Variants in SULT1C3 observed in about 807,000 individuals in gnomAD.
SULT1C3 encodes the protein sulfotransferase family 1C member 3.
In SULT1C3, 31 loss-of-function variants were observed where a neutral mutation model predicts 28.4. That is an observed-to-expected ratio of 1.09 (90% CI 0.82 to 1.47). The LOEUF (loss-of-function observed/expected upper bound fraction) is 1.47. Ranked by LOEUF, SULT1C3 falls within the 40% of genes most tolerant of loss-of-function variation. The pLI, the probability that SULT1C3 is intolerant of heterozygous loss-of-function variation, is 0.00. For missense variants in SULT1C3, 307 were observed against 272.5 expected, an observed-to-expected ratio of 1.13 and a Z score of -0.89; for synonymous variants, 106 against 92.2, an observed-to-expected ratio of 1.15 and a Z score of -0.86.
chr2:108,248,772 G>A (rs1175883427), intron 2 of SULT1C3, among the ~76,000 whole-genome samples: 1 of 152,062 alleles, frequency 6.6e-6, no homozygotes, highest in African/African-American at 2.4e-5. Context: ...TTAGTCCTCT[G>A]TTATTACATC....
chr2:108,264,688 G>A (rs1161894286), downstream of SULT1C3: 3 of 843,722 alleles, frequency 3.6e-6, no homozygotes, highest in Middle Eastern at 2.4e-4. Flanking sequence ...CTGGCACTAG[G>A]AGTCACTTGA....
rs1177150599 is a variant in SULT1C3 at position 108,259,135 on chromosome 2, T to G, written c.791T>G (p.Phe264Cys). The G allele has an allele frequency of 2.4e-6, 1 of 413,526 alleles. No individual in the cohort carries two copies. Among genetic ancestry groups the G allele is most frequent in the African/African-American group, 2.0e-5 (1 of 49,760 alleles). 25.6% of individuals were successfully genotyped at this position (413,526 alleles called of 1,614,324 possible). The change falls in exon 7 of 8, where the codon TTT becomes TGT. Residue 264 changes from phenylalanine (F) to cysteine (C), a missense_variant. Physicochemically the swap from Phe to Cys is radical, Grantham distance 205. Coordinates refer to ENST00000681802, the MANE Select transcript of SULT1C3 (RefSeq NM_001320878.2). Reference sequence around the variant, plus strand: ...ATATTCAATCACTCCATCTCAAAATTTATGAGGAAAGGTTGGTGGCATTTC... The same window carrying G: ...ATATTCAATCACTCCATCTCAAAATGTATGAGGAAAGGTTGGTGGCATTTC... ...AHIFNHSISK[F>C]MRKGMPGDWK...
intron 2 of SULT1C3, among the ~76,000 whole-genome samples, chr2:108,248,245 C>G (rs776270386): frequency 1.3e-4 from 20 of 152,108 alleles, no homozygotes; most frequent in Non-Finnish European, 2.4e-4. Flanking sequence ...TGATCACTAA[C>G]TGATTGGGAG....
intron 1 of SULT1C3, among the ~76,000 whole-genome samples, chr2:108,240,941 G>C (rs1003490106): frequency 6.6e-6 from 1 of 152,188 alleles, no homozygotes; most frequent in Non-Finnish European, 1.5e-5. Flanking sequence ...TTTTGGATTG[G>C]CTTTGAAGAA....
intron 2 of SULT1C3, 147 bp downstream of exon 2, chr2:108,247,513 C>A: frequency 1.4e-6 from 1 of 716,890 alleles, no homozygotes; most frequent in Non-Finnish European, 2.1e-6. Context: ...GGACATTTAG[C>A]ATTCCTGATC....
chr2:108,247,217 C>T lies in SULT1C3; in HGVS notation c.23C>T (p.Ala8Val), dbSNP rs779904006. 8.0e-5 allele frequency: 122 copies of T among 1,533,306 alleles called. No individual in the cohort carries two copies. Among genetic ancestry groups the T allele is most frequent in the Non-Finnish European group, 1.1e-4 (120 of 1,136,556 alleles). 95.0% of individuals were successfully genotyped at this position (1,533,306 alleles called of 1,614,324 possible). The change falls in exon 2 of 8, where the codon GCT becomes GTT. Residue 8 changes from alanine (A) to valine (V), a missense_variant. Transcript: ENST00000681802. ...CCAATGGCGAAGATTGAGAAAAACG[C>T]TCCCACGATGGAAAAAAAGCCAGAA... is the stretch of plus-strand genomic sequence containing the variant. MAKIEKN[A>V]PTMEKKPELF...
At chr2:108,245,598 G>C (rs1441121594) in intron 1 of SULT1C3, among the ~76,000 whole-genome samples, 9 of 152,160 alleles carry the variant, frequency 5.9e-5, no homozygotes. Context: ...CACGGTTGTA[G>C]TAGCTAGGAA....
In SULT1C3 at chr2:108,259,150, G is replaced by T. The variant is rs1198268010; in HGVS notation, c.802+4G>T. 3 of 369,856 alleles carry T rather than the reference G, an allele frequency of 8.1e-6. No homozygotes were observed. The highest frequency in any genetic ancestry group is 6.2e-5 in the African/African-American group (3 of 48,346). 22.9% of individuals were successfully genotyped at this position (369,856 alleles called of 1,614,324 possible). A position where few individuals can be genotyped will look rare whatever the true frequency, so the allele number is the denominator to read the frequency against. ...ATCTCAAAATTTATGAGGAAAGGTT[G>T]GTGGCATTTCTTTTCCTTAACTGAA... On this transcript the variant is annotated splice_donor_region_variant and intron_variant, in intron 7 of 7. Transcript: ENST00000681802.
chr2:108,249,795 G>T (rs1675684278), intron 2 of SULT1C3, among the ~76,000 whole-genome samples: 1 of 151,954 alleles, frequency 6.6e-6, no homozygotes, highest in Non-Finnish European at 1.5e-5. Flanking sequence ...GAGTAAAGTG[G>T]CAGGGTTTAT....
chr2:108,249,038 G>A (rs1675661320), intron 2 of SULT1C3, among the ~76,000 whole-genome samples: 1 of 152,218 alleles, frequency 6.6e-6, no homozygotes, highest in East Asian at 1.9e-4. Context: ...CAATACTACA[G>A]CCACAAGCAA....
chr2:108,264,939 A>G (rs144731041), downstream of SULT1C3: 16 of 1,613,860 alleles, frequency 9.9e-6, no homozygotes, highest in Middle Eastern at 1.6e-4. Context: ...GCAAAACCCA[A>G]TGACCAACTA....
At chr2:108,259,725 C>T (rs1159001278) in intron 7 of SULT1C3, among the ~76,000 whole-genome samples, 1 of 152,012 alleles carries the variant, frequency 6.6e-6, no homozygotes, top group Non-Finnish European at 1.5e-5. Flanking sequence ...TCAGTAATGG[C>T]CTGTTGTGTG....
chr2:108,245,806 C>T (rs1675564667), intron 1 of SULT1C3, among the ~76,000 whole-genome samples: 1 of 152,304 alleles, frequency 6.6e-6, no homozygotes, highest in Middle Eastern at 3.4e-3. Flanking sequence ...ATTTCTGCAG[C>T]TGGCTTGAAT....
In SULT1C3 at chr2:108,253,380, CT is replaced by C; in HGVS notation, c.338del (p.Leu113ArgfsTer2). Reference protein sequence around the residue: ...EFVLEMSSPQLIKTHLPSHLI... With the variant: ...EFVLEMSSPQXIKTHLPSHLI... Reference sequence around the variant, plus strand: ...CGTTCTTGAAATGTCCTCACCACAACTGATAAAAACACATCTCCCTTCACAT... The same window carrying C: ...CGTTCTTGAAATGTCCTCACCACAACGATAAAAACACATCTCCCTTCACAT... On this transcript the variant is annotated frameshift_variant, in exon 4 of 8. Coordinates refer to ENST00000681802, the MANE Select transcript of SULT1C3 (RefSeq NM_001320878.2). LOFTEE classifies it high-confidence loss of function. 6.3e-7 allele frequency: 1 copy of C among 1,582,250 alleles called. No homozygotes were observed. The highest frequency in any genetic ancestry group is 8.6e-7 in the Non-Finnish European group (1 of 1,164,818).
intron 1 of SULT1C3, among the ~76,000 whole-genome samples, 42 bp downstream of exon 1, chr2:108,240,125 C>T (rs889069636): frequency 1.4e-4 from 22 of 152,208 alleles, no homozygotes; most frequent in African/African-American, 5.1e-4. Flanking sequence ...TAGTGTCTGA[C>T]GACCACCAGG....
At chr2:108,243,853 T>C (rs992883879) in intron 1 of SULT1C3, among the ~76,000 whole-genome samples, 1 of 152,212 alleles carries the variant, frequency 6.6e-6, no homozygotes, top group Non-Finnish European at 1.5e-5. Context: ...TATGATTTTT[T>C]GGCCCTTACT....
At chr2:108,264,342 A>C (rs1364873982), downstream of SULT1C3, among the ~76,000 whole-genome samples, 1 of 152,168 alleles carries the variant, frequency 6.6e-6, no homozygotes, top group Admixed American at 6.6e-5. Context: ...TCAACTTGAG[A>C]TTCCTTTTAT....
At chr2:108,245,730 C>T (rs1316566701) in intron 1 of SULT1C3, among the ~76,000 whole-genome samples, 1 of 152,162 alleles carries the variant, frequency 6.6e-6, no homozygotes, top group African/African-American at 2.4e-5. Context: ...AGACTCCTGA[C>T]AAGCCCTGGA....
At chr2:108,257,805 G>T (rs1277932822) in intron 5 of SULT1C3, among the ~76,000 whole-genome samples, 2 of 151,990 alleles carry the variant, frequency 1.3e-5, no homozygotes, top group Non-Finnish European at 2.9e-5. Context: ...TCCGCTGGGG[G>T]TCATGTGATA....
Sources: allele counts gnomAD v4.1 joint callset (sites outside exome capture counted in the v4.1 genomes callset), GRCh38; gene constraint gnomAD v4.1.1; transcripts MANE v1.5; gene names NCBI Gene and HGNC (gene_info 2026-07-23, HGNC 2026-07-21).